The following PRELID2 variants were observed in gnomAD, a reference collection of about 807,000 sequenced individuals.
PRELID2 encodes PRELI domain-containing protein 2.
A neutral mutation model predicts 28.4 loss-of-function variants in PRELID2; 25 were observed. That is an observed-to-expected ratio of 0.88 (90% CI 0.64 to 1.23). The LOEUF is 1.23. Among genes scored for constraint, PRELID2 ranks in the 50% most tolerant of loss-of-function variants. The probability of loss-of-function intolerance (pLI) is 0.00; values close to 1 mark genes in which losing one functional copy is unlikely to be tolerated. For missense variants in PRELID2, 201 were observed against 214.4 expected (o/e 0.94, Z 0.39); for synonymous variants, 76 against 71.6 (o/e 1.06, Z -0.31).
intron 1 of PRELID2, among the ~76,000 whole-genome samples, chr5:145,604,882 CAT>C (rs35401852): frequency 0.27 from 31,074 of 115,978 alleles, 5,047 homozygotes; most frequent in Non-Finnish European, 0.36. Flanking sequence ...GCTTGTTGGC[CAT>C]ATATATATAT....
the PRELID2 span, chr5:145,338,521 C>T: frequency 6.6e-6 from 1 of 152,090 alleles, no homozygotes; most frequent in South Asian, 2.1e-4. Flanking sequence ...GCTGTTTTAC[C>T]TGTTAGGAAG....
At chr5:145,674,321 C>G (rs986677758) in intron 1 of PRELID2, among the ~76,000 whole-genome samples, 2 of 151,694 alleles carry the variant, frequency 1.3e-5, no homozygotes, top group African/African-American at 4.9e-5. Context: ...TCCCTCTACC[C>G]CATGACAGGC....
intron 1 of PRELID2, among the ~76,000 whole-genome samples, chr5:145,532,976 C>T (rs774060468): frequency 1.3e-5 from 2 of 152,012 alleles, no homozygotes; most frequent in Non-Finnish European, 2.9e-5. Context: ...TGAATAAACA[C>T]CCAGAAATGG....
chr5:145,314,651 A>G, the PRELID2 span, among the ~76,000 whole-genome samples: 1 of 152,034 alleles, frequency 6.6e-6, no homozygotes, highest in Admixed American at 6.5e-5. Flanking sequence ...TGTATGTTCA[A>G]TAATTATTTA....
In PRELID2 at chr5:145,715,656, A is replaced by C. The variant is rs78067962; in HGVS notation, n.70+49275T>G. On this transcript the variant is annotated intron_variant and non_coding_transcript_variant, in intron 1 of 2. Coordinates refer to the PRELID2 transcript ENST00000510259. ...GCTCCCACTTCACTCACCACTGCCC[A>C]TCCACACTGGTTTCTGTACTTCACA... 6.7e-3 allele frequency among the ~76,000 whole-genome samples: 1,024 copies of C among 152,178 alleles called. 32 individuals are homozygous for C. The highest frequency in any genetic ancestry group is 0.064 in the East Asian group (330 of 5,166).
At chr5:145,355,259 G>A in the PRELID2 span, among the ~76,000 whole-genome samples, 1 of 152,046 alleles carries the variant, frequency 6.6e-6, no homozygotes, top group Non-Finnish European at 1.5e-5. Flanking sequence ...AGAATTAACT[G>A]CAACATAAAT....
intron 4 of PRELID2, among the ~76,000 whole-genome samples, chr5:145,807,224 T>C (rs780745681): frequency 6.6e-6 from 1 of 152,172 alleles, no homozygotes; most frequent in Non-Finnish European, 1.5e-5. Flanking sequence ...CGGTCTGCCA[T>C]AGACTGAAAT....
intron 1 of PRELID2, among the ~76,000 whole-genome samples, chr5:145,485,908 A>C (rs1580955013): frequency 1.3e-5 from 2 of 152,196 alleles, no homozygotes; most frequent in South Asian, 2.1e-4. Flanking sequence ...TATCCATGAA[A>C]AATTATTTAT....
At chr5:145,504,556 A>G (rs538621420) in intron 1 of PRELID2, among the ~76,000 whole-genome samples, 1 of 152,292 alleles carries the variant, frequency 6.6e-6, no homozygotes, top group Admixed American at 6.5e-5. Context: ...CAGGTAAGGC[A>G]ACGTGGGGTC....
At chr5:145,733,980 G>C (rs775083951) in intron 1 of PRELID2, among the ~76,000 whole-genome samples, 4 of 152,142 alleles carry the variant, frequency 2.6e-5, no homozygotes, top group Admixed American at 6.5e-5. Context: ...GATGCTATGG[G>C]GAAGGACTGA....
the PRELID2 span, among the ~76,000 whole-genome samples, chr5:145,374,646 A>C: frequency 6.6e-6 from 1 of 151,724 alleles, no homozygotes; most frequent in Non-Finnish European, 1.5e-5. Flanking sequence ...TCTTTTTATG[A>C]AGTCTCATAT....
intron 1 of PRELID2, among the ~76,000 whole-genome samples, chr5:145,578,661 T>C (rs556976041): frequency 6.6e-6 from 1 of 152,226 alleles, no homozygotes; most frequent in African/African-American, 2.4e-5. Flanking sequence ...ATACTTTTTA[T>C]TGCTGACGTT....
chr5:145,446,228 C>A, the PRELID2 span, among the ~76,000 whole-genome samples: 1 of 151,814 alleles, frequency 6.6e-6, no homozygotes, highest in African/African-American at 2.4e-5. Context: ...GGAAACATCA[C>A]CATGTACCCC....
intron 1 of PRELID2, among the ~76,000 whole-genome samples, chr5:145,567,116 C>A (rs1458258492): frequency 6.6e-6 from 1 of 151,866 alleles, no homozygotes; most frequent in South Asian, 2.1e-4. Flanking sequence ...AATAAAATAT[C>A]TCTTTATTTT....
At chr5:145,641,668 C>A (rs1052684701) in intron 1 of PRELID2, among the ~76,000 whole-genome samples, 1 of 151,260 alleles carries the variant, frequency 6.6e-6, no homozygotes, top group Non-Finnish European at 1.5e-5. Flanking sequence ...CCAAGCCCCC[C>A]AGGGGGGCCC....
intron 1 of PRELID2, among the ~76,000 whole-genome samples, chr5:145,475,099 A>G (rs1752088124): frequency 6.6e-6 from 1 of 152,214 alleles, no homozygotes; most frequent in South Asian, 2.1e-4. Context: ...ACATGAGGAC[A>G]GGGTATGTGC....
At chr5:145,319,187 G>A in the PRELID2 span, among the ~76,000 whole-genome samples, 8 of 152,088 alleles carry the variant, frequency 5.3e-5, no homozygotes, top group Non-Finnish European at 1.0e-4. Context: ...AGGGCCACGG[G>A]TTTCCAGGCT....
At chr5:145,341,428 T>G in the PRELID2 span, among the ~76,000 whole-genome samples, 2 of 152,056 alleles carry the variant, frequency 1.3e-5, no homozygotes, top group Non-Finnish European at 2.9e-5. Context: ...TAATATCAGC[T>G]ACTCAGGAGG....
At chr5:145,698,495 T>G (rs767200128) in intron 1 of PRELID2, among the ~76,000 whole-genome samples, 1 of 152,178 alleles carries the variant, frequency 6.6e-6, no homozygotes, top group South Asian at 2.1e-4. Flanking sequence ...GAATCTTATT[T>G]CTCACAGTGC....
Sources: gnomAD v4.1 joint callset for allele counts (sites outside exome capture counted in the v4.1 genomes callset) on GRCh38, gnomAD v4.1.1 for gene constraint, MANE v1.5 for transcripts, NCBI Gene and HGNC (gene_info 2026-07-23, HGNC 2026-07-21) for gene names.